Variants in PLCB1 observed in about 807,000 individuals in gnomAD.
PLCB1 encodes 1-phosphatidylinositol 4,5-bisphosphate phosphodiesterase beta-1.
A neutral mutation model predicts 161.8 loss-of-function variants in PLCB1; 46 were observed. That is an observed-to-expected ratio of 0.28 (90% CI 0.22 to 0.36). PLCB1 has a LOEUF of 0.36. Among genes scored for constraint, PLCB1 ranks in the 10% least tolerant of loss-of-function variants. The pLI is 1.00. For synonymous variants in PLCB1, 517 were observed against 503.7 expected, an observed-to-expected ratio of 1.03 and a Z score of -0.35; for missense variants, 1,016 against 1,472.5, an observed-to-expected ratio of 0.69 and a Z score of 5.07.
chr20:8,161,289 C>A (rs1050810812), intron 2 of PLCB1, among the ~76,000 whole-genome samples: 1 of 152,142 alleles, frequency 6.6e-6, no homozygotes, highest in Non-Finnish European at 1.5e-5. Flanking sequence ...TATATACATA[C>A]ATAGTGTGTG....
chr20:8,482,131 G>A (rs150894584), intron 3 of PLCB1, among the ~76,000 whole-genome samples: 1,768 of 116,194 alleles, frequency 0.015, 27 homozygotes, highest in Middle Eastern at 0.028. Context: ...TTGAGAGGGA[G>A]TCTCGCTCTG....
rs970328720 is a variant in PLCB1, at chr20:8,764,093, C to T, written c.2711-1046C>T. ...GAGACATGAGAATCACCTGAACCCG[C>T]GAGGTGGAGGTTGCAGTGAGCTGAG... On this transcript the variant is annotated intron_variant, in intron 25 of 31. Transcript: ENST00000338037. 3.9e-5 allele frequency among the ~76,000 whole-genome samples: 6 copies of T among 152,130 alleles called. No individual in the cohort carries two copies. In the East Asian group the frequency reaches 5.9e-4, roughly 15 times the overall value.
chr20:8,385,734 G>A (rs1185830486), intron 3 of PLCB1, among the ~76,000 whole-genome samples: 5 of 152,232 alleles, frequency 3.3e-5, no homozygotes, highest in African/African-American at 1.2e-4. Context: ...ACGCTCACTC[G>A]CTGCCTCCCT....
chr20:8,426,377 C>T (rs1979773940), intron 3 of PLCB1, among the ~76,000 whole-genome samples: 3 of 152,220 alleles, frequency 2.0e-5, no homozygotes, highest in Admixed American at 6.5e-5. Flanking sequence ...AAACCGACCA[C>T]GCGCACTGGT....
At chr20:8,681,085 T>C (rs1265360567) in intron 9 of PLCB1, among the ~76,000 whole-genome samples, 1 of 69,660 alleles carries the variant, frequency 1.4e-5, no homozygotes, top group African/African-American at 1.0e-4. Flanking sequence ...TATGTGTGTG[T>C]GTATATATAT....
intron 3 of PLCB1, among the ~76,000 whole-genome samples, chr20:8,441,823 T>G (rs900605637): frequency 1.3e-5 from 2 of 152,144 alleles, no homozygotes; most frequent in African/African-American, 4.8e-5. Flanking sequence ...AAATTTTAAA[T>G]CCTTTTAAAT....
At chr20:8,194,680 AGG>A (rs1034452643) in intron 2 of PLCB1, among the ~76,000 whole-genome samples, 1 of 152,040 alleles carries the variant, frequency 6.6e-6, no homozygotes, top group Non-Finnish European at 1.5e-5. Context: ...GGTGGTAGGG[AGG>A]GCTGATGTAT....
chr20:8,323,380 A>G (rs1326004131), intron 2 of PLCB1, among the ~76,000 whole-genome samples: 1 of 152,138 alleles, frequency 6.6e-6, no homozygotes, highest in Non-Finnish European at 1.5e-5. Flanking sequence ...AGGCTAGATA[A>G]TAATCTTTCC....
intron 10 of PLCB1, among the ~76,000 whole-genome samples, chr20:8,693,888 T>C (rs1370657835): frequency 6.6e-6 from 1 of 152,190 alleles, no homozygotes; most frequent in Admixed American, 6.5e-5. Flanking sequence ...TATGAATTAC[T>C]CTGAGAAGGA....
At chr20:8,608,786 G>T (rs1987825920) in intron 3 of PLCB1, among the ~76,000 whole-genome samples, 1 of 152,052 alleles carries the variant, frequency 6.6e-6, no homozygotes, top group Non-Finnish European at 1.5e-5. Context: ...AATATTAGAG[G>T]TAATTATTTG....
At chr20:8,712,759 G>A (rs1979087516) in intron 12 of PLCB1, among the ~76,000 whole-genome samples, 1 of 152,068 alleles carries the variant, frequency 6.6e-6, no homozygotes, top group Admixed American at 6.5e-5. Context: ...AAGAAATCAA[G>A]TGAGTTCCTC....
At chr20:8,592,367 T>C (rs952269305) in intron 3 of PLCB1, among the ~76,000 whole-genome samples, 4 of 152,256 alleles carry the variant, frequency 2.6e-5, no homozygotes, top group African/African-American at 9.6e-5. Flanking sequence ...TAGAGGTATC[T>C]GTAGGCCTTT....
intron 3 of PLCB1, among the ~76,000 whole-genome samples, chr20:8,623,683 C>G (rs1988249745): frequency 6.6e-6 from 1 of 152,192 alleles, no homozygotes; most frequent in Non-Finnish European, 1.5e-5. Flanking sequence ...GATTTTCCAT[C>G]TGTTACTTGT....
In PLCB1 at chr20:8,859,374, G is replaced by A. The variant is rs2146311326; in HGVS notation, c.3424-22248G>A. ...AAACTCATGTTTCCAAAAATGTGATGTGTATGTGGATTACCTGTGGATCTT... is the reference window on the plus strand; with the variant it reads ...AAACTCATGTTTCCAAAAATGTGATATGTATGTGGATTACCTGTGGATCTT... On this transcript the variant is annotated intron_variant, in intron 31 of 31. Coordinates refer to ENST00000338037, the MANE Select transcript of PLCB1 (RefSeq NM_015192.4). Among the ~76,000 whole-genome samples, 2 of 152,306 alleles carry A rather than the reference G, an allele frequency of 1.3e-5. 1 individual carries two copies. The highest frequency in any genetic ancestry group is 4.1e-4 in the South Asian group (2 of 4,828).
chr20:8,771,579 A>C (rs779337795), intron 26 of PLCB1, among the ~76,000 whole-genome samples: 18 of 152,076 alleles, frequency 1.2e-4, no homozygotes, highest in Non-Finnish European at 2.2e-4. Flanking sequence ...CATGGATCTT[A>C]TACAAGCAGC....
At chr20:8,798,424 G>A (rs1445680775) in intron 31 of PLCB1, among the ~76,000 whole-genome samples, 1 of 152,180 alleles carries the variant, frequency 6.6e-6, no homozygotes, top group Non-Finnish European at 1.5e-5. Flanking sequence ...TGCAATTTTG[G>A]TGGATGGCTA....
chr20:8,417,618 A>G (rs1979360896), intron 3 of PLCB1, among the ~76,000 whole-genome samples: 1 of 152,268 alleles, frequency 6.6e-6, no homozygotes, highest in Admixed American at 6.5e-5. Context: ...ACAAATGACT[A>G]CACTTCAGAG....
chr20:8,837,282 C>T lies in PLCB1; in HGVS notation c.3424-44340C>T, dbSNP rs59716924. On this transcript the variant is annotated intron_variant, in intron 31 of 31. Transcript: ENST00000338037. Reference sequence around the variant, plus strand: ...AGTCCAAAGAGGCCCCTAAAGGTGACGTACAAAGTGCAACTCATGAGGATT... The same window carrying T: ...AGTCCAAAGAGGCCCCTAAAGGTGATGTACAAAGTGCAACTCATGAGGATT... 8.7e-3 allele frequency among the ~76,000 whole-genome samples: 1,318 copies of T among 152,062 alleles called. 23 individuals are homozygous for T. The highest frequency in any genetic ancestry group is 0.03 in the African/African-American group (1,225 of 41,438).
chr20:8,405,446 A>G (rs1284685215), intron 3 of PLCB1, among the ~76,000 whole-genome samples: 1 of 152,176 alleles, frequency 6.6e-6, no homozygotes, highest in African/African-American at 2.4e-5. Context: ...ATTACGCCAC[A>G]TGCTTTCGCC....
Sources: allele counts gnomAD v4.1 joint callset (sites outside exome capture counted in the v4.1 genomes callset), GRCh38; gene constraint gnomAD v4.1.1; transcripts MANE v1.5; gene names NCBI Gene and HGNC (gene_info 2026-07-23, HGNC 2026-07-21).